The following TCF3 variants were observed in gnomAD, a reference collection of about 807,000 sequenced individuals.
The protein encoded by TCF3 is transcription factor 3, also known as transcription factor E2-alpha.
A neutral mutation model predicts 72.3 loss-of-function variants in TCF3; 54 were observed. The ratio of observed to expected loss-of-function variants is 0.75; its 90% CI spans 0.60 to 0.94. TCF3 has a LOEUF of 0.94. TCF3 is among the 40% of genes least tolerant of loss of function. TCF3 has a pLI of 0.00. For synonymous variants in TCF3, 525 were observed against 412.6 expected, an observed-to-expected ratio of 1.27 and a Z score of -3.30; for missense variants, 1,078 against 934.4, an observed-to-expected ratio of 1.15 and a Z score of -2.00.
intron 8 of TCF3, among the ~76,000 whole-genome samples, chr19:1,623,409 A>T (rs1225086981): frequency 1.4e-5 from 2 of 139,886 alleles, no homozygotes; most frequent in East Asian, 2.3e-4. Context: ...TTTGAGACAG[A>T]GTCTCACTCT....
intron 3 of TCF3, among the ~76,000 whole-genome samples, chr19:1,642,129 T>TAC (rs10531649): frequency 0.04 from 5,850 of 147,300 alleles, 148 homozygotes; most frequent in African/African-American, 0.07. Flanking sequence ...TGCACAGAAC[T>TAC]ACACACACAC....
At chr19:1,627,616 T>C (rs1046878105) in intron 5 of TCF3, among the ~76,000 whole-genome samples, 190 bp from the exon 6 acceptor site, 3 of 151,990 alleles carry the variant, frequency 2.0e-5, no homozygotes, top group African/African-American at 7.3e-5. Context: ...TATGCCCATC[T>C]CCCGCAGAGC....
chr19:1,625,499 G>A, intron 7 of TCF3, 77 bp downstream of exon 7: 1 of 1,447,984 alleles, frequency 6.9e-7, no homozygotes, highest in Non-Finnish European at 9.1e-7. Flanking sequence ...GGTGCCCTCA[G>A]CTAACGGGAA....
intron 3 of TCF3, among the ~76,000 whole-genome samples, chr19:1,636,537 G>T (rs753350866): frequency 2.6e-5 from 4 of 152,152 alleles, no homozygotes; most frequent in Non-Finnish European, 4.4e-5. Flanking sequence ...GGACTCAGGC[G>T]CTCCTCCCAC....
At chr19:1,650,027 C>T (rs2066762395) in intron 2 of TCF3, 150 bp downstream of exon 2, 13 of 720,634 alleles carry the variant, frequency 1.8e-5, no homozygotes, top group South Asian at 1.5e-4. Context: ...TGCCAGAGAG[C>T]GGCCCACTCC....
At chr19:1,613,560 C>G (rs749312364) in intron 18 of TCF3, among the ~76,000 whole-genome samples, 2 of 152,152 alleles carry the variant, frequency 1.3e-5, no homozygotes, top group Non-Finnish European at 2.9e-5. Flanking sequence ...GGGTGATGGA[C>G]AGCTAGGCCT....
chr19:1,621,313 G>C, intron 11 of TCF3, 122 bp from the exon 12 acceptor site: 1 of 1,238,460 alleles, frequency 8.1e-7, no homozygotes, highest in South Asian at 1.5e-5. Flanking sequence ...AGCCTGACTC[G>C]GGTCCGGTTT....
intron 2 of TCF3, among the ~76,000 whole-genome samples, chr19:1,646,954 C>CG (rs140819805): frequency 1.3e-5 from 2 of 152,102 alleles, no homozygotes; most frequent in East Asian, 1.9e-4. Flanking sequence ...GTCCCTGGAG[C>CG]GGGGGGTAGG....
intron 6 of TCF3, among the ~76,000 whole-genome samples, chr19:1,626,364 C>T (rs373127491): frequency 5.3e-5 from 8 of 152,046 alleles, no homozygotes; most frequent in South Asian, 2.1e-4. Flanking sequence ...GCAGGAGAAT[C>T]GCTTGAACCC....
chr19:1,622,305 C>T lies in TCF3; in HGVS notation c.652+8G>A. ...CCGTCCCTGGCGAGCCCCCGCCCTGCCATGTACCTGCCACGTAGAAGGGGG... is the reference window on the plus strand; with the variant it reads ...CCGTCCCTGGCGAGCCCCCGCCCTGTCATGTACCTGCCACGTAGAAGGGGG... On this transcript the variant is annotated splice_region_variant and intron_variant, in intron 9 of 18. Coordinates refer to ENST00000262965, the MANE Select transcript of TCF3 (RefSeq NM_003200.5). 6.6e-7 allele frequency: 1 copy of T among 1,523,174 alleles called. No homozygotes were observed. 94.4% of individuals were successfully genotyped at this position (1,523,174 alleles called of 1,614,324 possible). A position where few individuals can be genotyped will look rare whatever the true frequency, so the allele number is the denominator to read the frequency against.
Position 1,610,887 on chromosome 19 carries a change from G to A in TCF3, c.*820C>T, listed in dbSNP as rs567177975. On this transcript the variant is annotated 3_prime_UTR_variant, in exon 19 of 19. Coordinates refer to ENST00000262965, the MANE Select transcript of TCF3 (RefSeq NM_003200.5). ...CCAACATCAAAAAAACAAAAGACCC[G>A]CCGCCTGTCCCCGTTCTGTCTGTGT... 8 of 134,592 alleles carry A rather than the reference G, an allele frequency of 5.9e-5. No homozygotes were observed. In the South Asian group the frequency reaches 1.6e-3, roughly 28 times the overall value. 8.3% of individuals were successfully genotyped at this position (134,592 alleles called of 1,614,324 possible).
intron 2 of TCF3, among the ~76,000 whole-genome samples, chr19:1,648,365 C>T (rs971403411): frequency 6.6e-5 from 10 of 152,256 alleles, no homozygotes; most frequent in East Asian, 1.9e-4. Context: ...GGGGGACGCC[C>T]GGAGAGGACG....
chr19:1,620,901 C>A (rs1280664829), intron 13 of TCF3, 67 bp downstream of exon 13: 1 of 1,372,116 alleles, frequency 7.3e-7, no homozygotes, highest in Non-Finnish European at 9.5e-7. Context: ...CTTCACAGAC[C>A]TCAGCCTCCC....
At chr19:1,646,791 G>A (rs930730839) in intron 2 of TCF3, among the ~76,000 whole-genome samples, 1 of 152,246 alleles carries the variant, frequency 6.6e-6, no homozygotes, top group Non-Finnish European at 1.5e-5. Context: ...TCTTGACAGT[G>A]ATACAAAGTT....
intron 2 of TCF3, among the ~76,000 whole-genome samples, chr19:1,648,831 G>A (rs867004316): frequency 1.6e-5 from 2 of 127,222 alleles, no homozygotes; most frequent in South Asian, 2.7e-4. Context: ...GGGGGGGGGG[G>A]AGCAGAATTT....
At chr19:1,649,876 T>G (rs1326088040) in intron 2 of TCF3, among the ~76,000 whole-genome samples, 1 of 152,188 alleles carries the variant, frequency 6.6e-6, no homozygotes, top group Non-Finnish European at 1.5e-5. Context: ...AAGGCCGCAT[T>G]TTGCTTACCC....
chr19:1,634,951 C>T (rs1046660775), intron 3 of TCF3, among the ~76,000 whole-genome samples: 1 of 152,216 alleles, frequency 6.6e-6, no homozygotes, highest in African/African-American at 2.4e-5. Flanking sequence ...TGGTCCTTTC[C>T]GGAGAAGGCT....
chr19:1,646,456 G>A (rs1221748739), intron 2 of TCF3, 29 bp from the exon 3 acceptor site: 12 of 1,544,342 alleles, frequency 7.8e-6, no homozygotes, highest in East Asian at 4.9e-5. Context: ...AGACGTGAGC[G>A]GGGCGGGTGG....
rs1327667904 is a variant in TCF3, at chr19:1,610,787, G to T, written c.*920C>A. 2 of 232,096 alleles carry T rather than the reference G, an allele frequency of 8.6e-6. No homozygotes were observed. The highest frequency in any genetic ancestry group is 3.6e-4 in the South Asian group (2 of 5,502). 14.4% of individuals were successfully genotyped at this position (232,096 alleles called of 1,614,324 possible). A position where few individuals can be genotyped will look rare whatever the true frequency, so the allele number is the denominator to read the frequency against. On this transcript the variant is annotated 3_prime_UTR_variant, in exon 19 of 19. Transcript: ENST00000262965. The stretch of plus-strand genomic sequence containing the variant: ...CCCCTTCCTGAGGGGAGAGGATGCG[G>T]CAGGGAAGCCCCAAGGTGCCTTCAT...
Sources: gnomAD v4.1 joint callset for allele counts (sites outside exome capture counted in the v4.1 genomes callset) on GRCh38, gnomAD v4.1.1 for gene constraint, MANE v1.5 for transcripts, NCBI Gene and HGNC (gene_info 2026-07-23, HGNC 2026-07-21) for gene names.